Variants in XPNPEP1 observed in about 807,000 individuals in gnomAD.
XPNPEP1 encodes xaa-Pro aminopeptidase 1.
In XPNPEP1, 39 loss-of-function variants were observed where a neutral mutation model predicts 92.4. The observed-to-expected ratio is 0.42, with a 90% CI of 0.33 to 0.55. XPNPEP1 has a LOEUF of 0.55. Ranked by LOEUF, XPNPEP1 falls within the 20% of genes least tolerant of loss-of-function variation. The probability of loss-of-function intolerance (pLI) is 0.08; values close to 1 mark genes in which losing one functional copy is unlikely to be tolerated. For missense variants in XPNPEP1, 654 were observed against 856.1 expected (o/e 0.76, Z 2.95); for synonymous variants, 307 against 299.4 (o/e 1.03, Z -0.26).
At chr10:109,921,436 G>T (rs1218152635) in intron 1 of XPNPEP1, among the ~76,000 whole-genome samples, 1 of 152,192 alleles carries the variant, frequency 6.6e-6, no homozygotes, top group African/African-American at 2.4e-5. Context: ...CTTTGTATAA[G>T]ATGGTTATGG....
In XPNPEP1 at chr10:109,868,729, A is replaced by T. The variant is rs570631357; in HGVS notation, c.1774-17T>A. On this transcript the variant is annotated splice_polypyrimidine_tract_variant and intron_variant, in intron 19 of 20. Transcript: ENST00000502935. ...AAAATTATACTGCGGGAGAAAGAAGAAAACAGATGCTTTTACTCCTCTTTA... is the reference window on the plus strand; with the variant it reads ...AAAATTATACTGCGGGAGAAAGAAGTAAACAGATGCTTTTACTCCTCTTTA... 2.4e-5 allele frequency: 38 copies of T among 1,604,992 alleles called. No homozygotes were observed. The East Asian group carries it at 8.3e-4, about 35-fold the overall frequency.
chr10:109,907,178 C>A (rs1410266712), intron 3 of XPNPEP1, among the ~76,000 whole-genome samples: 3 of 152,132 alleles, frequency 2.0e-5, no homozygotes, highest in Admixed American at 6.5e-5. Context: ...AAACCATAAG[C>A]CTAGTGAGAG....
chr10:109,915,539 C>G (rs1272369826), intron 1 of XPNPEP1, among the ~76,000 whole-genome samples: 1 of 152,054 alleles, frequency 6.6e-6, no homozygotes, highest in East Asian at 1.9e-4. Context: ...TCTTGGGAGA[C>G]TAACCCTCAT....
In XPNPEP1 at chr10:109,875,562, C is replaced by T. The variant is rs765485086; in HGVS notation, c.1357G>A (p.Glu453Lys). Residue 453 changes from glutamate to lysine, a missense_variant, in exon 15 of 21, where the codon GAG becomes AAG. Glu to Lys is a moderately conservative substitution (Grantham distance 56). Coordinates refer to ENST00000502935, the MANE Select transcript of XPNPEP1 (RefSeq NM_020383.4). ...PETNRTLSLD[E>K]VYLIDSGAQY... ...GCACCCGAGTCAATAAGGTACACCT[C>T]ATCCAGGGACAAGGTCCTATTCGTC... is the stretch of plus-strand genomic sequence containing the variant. 3 of 1,614,144 alleles carry T rather than the reference C, an allele frequency of 1.9e-6. 1 individual carries two copies. The highest frequency in any genetic ancestry group is 2.2e-5 in the South Asian group (2 of 91,076).
Position 109,877,817 on chromosome 10 carries a change from C to T in XPNPEP1, c.1292G>A (p.Gly431Glu). ...GTAGTGAATGATGGCGCCGTTGGGTCCCGTACTGGAAATTGTTGGGAAGCT... is the reference window on the plus strand; with the variant it reads ...GTAGTGAATGATGGCGCCGTTGGGTTCCGTACTGGAAATTGTTGGGAAGCT... ...DLSFPTISSTGPNGAIIHYAP... is the reference protein window; with the variant it reads ...DLSFPTISSTEPNGAIIHYAP... The change falls in exon 14 of 21, where the codon GGA becomes GAA. Residue 431 changes from glycine (G) to glutamate (E), a missense_variant. Coordinates refer to ENST00000502935, the MANE Select transcript of XPNPEP1 (RefSeq NM_020383.4). 1 of 1,614,200 alleles carries T rather than the reference C, an allele frequency of 6.2e-7. No individual in the cohort carries two copies. The highest frequency in any genetic ancestry group is 8.5e-7 in the Non-Finnish European group (1 of 1,180,046).
intron 9 of XPNPEP1, chr10:109,883,836 A>G (rs1236901085): frequency 1.5e-5 from 7 of 453,366 alleles, no homozygotes; most frequent in Non-Finnish European, 2.3e-5. Flanking sequence ...GGTGGCCCGA[A>G]CTATAGACAC....
At chr10:109,913,925 T>C (rs1030695348) in intron 2 of XPNPEP1, among the ~76,000 whole-genome samples, 1 of 152,234 alleles carries the variant, frequency 6.6e-6, no homozygotes, top group African/African-American at 2.4e-5. Flanking sequence ...TCCTCCTTCC[T>C]CTGCTACCTC....
At position 109,882,652 on chromosome 10, in the gene XPNPEP1, G is replaced by C. The variant is rs374720316; in HGVS notation, c.831-10C>G. On this transcript the variant is annotated splice_polypyrimidine_tract_variant and intron_variant, in intron 9 of 20. Coordinates refer to ENST00000502935, the MANE Select transcript of XPNPEP1 (RefSeq NM_020383.4). The stretch of plus-strand genomic sequence containing the variant: ...ACCATCAATGAAGAGCCTGCAGATG[G>C]AGGAGAGGTGGGTGGCAGAAAAAGG... 5 of 1,613,656 alleles carry C rather than the reference G, an allele frequency of 3.1e-6. No homozygotes were observed. In the Admixed American group the frequency reaches 6.7e-5, roughly 22 times the overall value.
At chr10:109,922,639 A>T (rs1589651257) in intron 1 of XPNPEP1, among the ~76,000 whole-genome samples, 1 of 152,102 alleles carries the variant, frequency 6.6e-6, no homozygotes, top group Admixed American at 6.6e-5. Context: ...CAGGTGGGTG[A>T]CCCCTTGGGG....
At chr10:109,913,807 G>A (rs1850017971) in intron 2 of XPNPEP1, among the ~76,000 whole-genome samples, 1 of 152,188 alleles carries the variant, frequency 6.6e-6, no homozygotes, top group Non-Finnish European at 1.5e-5. Flanking sequence ...GGCAACTGAA[G>A]CTACCTAACC....
At chr10:109,907,308 G>A (rs775674088) in intron 3 of XPNPEP1, among the ~76,000 whole-genome samples, 5 of 152,064 alleles carry the variant, frequency 3.3e-5, no homozygotes, top group African/African-American at 7.2e-5. Context: ...TTACCCTACC[G>A]CCCATCAACC....
At chr10:109,918,280 G>A (rs1229891132) in intron 1 of XPNPEP1, among the ~76,000 whole-genome samples, 1 of 152,080 alleles carries the variant, frequency 6.6e-6, no homozygotes, top group Non-Finnish European at 1.5e-5. Context: ...AATGAGCCAG[G>A]TTTGGTGGTG....
intron 12 of XPNPEP1, among the ~76,000 whole-genome samples, chr10:109,878,927 G>A (rs1206892780): frequency 1.3e-5 from 2 of 151,694 alleles, no homozygotes; most frequent in African/African-American, 4.8e-5. Flanking sequence ...TAAGAGACAT[G>A]TAAAAATAAT....
intron 3 of XPNPEP1, among the ~76,000 whole-genome samples, chr10:109,905,532 T>C (rs1849514331): frequency 6.6e-6 from 1 of 151,128 alleles, no homozygotes; most frequent in South Asian, 2.1e-4. Flanking sequence ...AGAGAGAAAG[T>C]AGAATGGTGG....
intron 2 of XPNPEP1, 49 bp downstream of exon 2, chr10:109,914,962 C>T (rs1850105784): frequency 7.4e-7 from 1 of 1,343,006 alleles, no homozygotes; most frequent in African/African-American, 1.5e-5. Context: ...GGGTGGAGAT[C>T]TAAAATCCTT....
chr10:109,922,453 C>G (rs1006036405), intron 1 of XPNPEP1, among the ~76,000 whole-genome samples: 2 of 152,204 alleles, frequency 1.3e-5, no homozygotes, highest in Non-Finnish European at 2.9e-5. Flanking sequence ...CACATACTTC[C>G]ACAGGGTGGG....
At chr10:109,918,798 G>A (rs1050892439) in intron 1 of XPNPEP1, among the ~76,000 whole-genome samples, 2 of 146,034 alleles carry the variant, frequency 1.4e-5, no homozygotes, top group East Asian at 2.0e-4. Context: ...AGAGGAAGGA[G>A]AGGAAGGAAA....
chr10:109,872,804 T>C (rs1847561404), intron 16 of XPNPEP1, among the ~76,000 whole-genome samples: 1 of 152,186 alleles, frequency 6.6e-6, no homozygotes, highest in Admixed American at 6.5e-5. Context: ...CTCATTTTTA[T>C]GGATGGTGAC....
intron 2 of XPNPEP1, among the ~76,000 whole-genome samples, chr10:109,911,018 C>A (rs962478876): frequency 1.3e-5 from 2 of 152,228 alleles, no homozygotes; most frequent in African/African-American, 4.8e-5. Context: ...TCACCAGCAC[C>A]TTAGGCTTCT....
Sources: gnomAD v4.1 joint callset for allele counts (sites outside exome capture counted in the v4.1 genomes callset) on GRCh38, gnomAD v4.1.1 for gene constraint, MANE v1.5 for transcripts, NCBI Gene and HGNC (gene_info 2026-07-23, HGNC 2026-07-21) for gene names.